Variants in MYO1B observed in about 807,000 individuals in gnomAD.
MYO1B encodes myosin IB, also known as unconventional myosin-Ib.
MYO1B carries 72 observed loss-of-function variants against 159.7 expected under a neutral mutation model. The observed-to-expected ratio is 0.45, with a 90% CI of 0.37 to 0.55. The LOEUF (loss-of-function observed/expected upper bound fraction) is 0.55. MYO1B is among the 20% of genes least tolerant of loss of function. The pLI, the probability that MYO1B is intolerant of heterozygous loss-of-function variation, is 0.00. For synonymous variants in MYO1B, 468 were observed against 473.8 expected (o/e 0.99, Z 0.16); for missense variants, 1,062 against 1,364.8 (o/e 0.78, Z 3.50).
chr2:191,374,056 G>A (rs879835078), intron 13 of MYO1B, among the ~76,000 whole-genome samples: 5 of 152,088 alleles, frequency 3.3e-5, no homozygotes, highest in East Asian at 1.9e-4. Context: ...AGTTACAGAC[G>A]TGTTTTTCTT....
intron 1 of MYO1B, among the ~76,000 whole-genome samples, chr2:191,275,064 C>G (rs925206088): frequency 2.0e-5 from 3 of 151,952 alleles, no homozygotes; most frequent in African/African-American, 7.3e-5. Flanking sequence ...TGCCACCATG[C>G]CCGGCTAATT....
intron 3 of MYO1B, among the ~76,000 whole-genome samples, chr2:191,302,359 C>T (rs774110701): frequency 3.3e-5 from 5 of 152,172 alleles, no homozygotes; most frequent in Non-Finnish European, 5.9e-5. Flanking sequence ...AACTATAAAA[C>T]AAAAGAGATT....
chr2:191,351,716 C>T (rs1169666388), intron 7 of MYO1B, among the ~76,000 whole-genome samples: 1 of 152,122 alleles, frequency 6.6e-6, no homozygotes, highest in Non-Finnish European at 1.5e-5. Flanking sequence ...TGAAACCCCC[C>T]GTCTCTACCA....
At chr2:191,279,175 T>G (rs1559135875) in intron 2 of MYO1B, among the ~76,000 whole-genome samples, 1 of 152,246 alleles carries the variant, frequency 6.6e-6, no homozygotes, top group Non-Finnish European at 1.5e-5. Context: ...GATATTCATA[T>G]CAATTAATGT....
In MYO1B at chr2:191,364,293, G is replaced by A. The variant is rs751320742; in HGVS notation, c.1032+17G>A. On this transcript the variant is annotated intron_variant, in intron 11 of 30. Coordinates refer to ENST00000392318, the MANE Select transcript of MYO1B (RefSeq NM_001130158.3). ...GTGGCTCAGGTGGGTGAAACATAAT[G>A]TACAGACGAAAGTTTCTTAAAAGTC... is the stretch of plus-strand genomic sequence containing the variant. The A allele has an allele frequency of 1.1e-5, 17 of 1,574,308 alleles. No homozygotes were observed. In the South Asian group the frequency reaches 1.9e-4, roughly 18 times the overall value.
At chr2:191,384,522 A>G (rs1517847) in intron 15 of MYO1B, among the ~76,000 whole-genome samples, 1,548 of 152,370 alleles carry the variant, frequency 0.01, 61 homozygotes, top group Admixed American at 0.076. Context: ...TCAATAAGAA[A>G]TAAACTGTGT....
At chr2:191,404,642 G>C (rs561052744) in intron 24 of MYO1B, among the ~76,000 whole-genome samples, 1 of 152,136 alleles carries the variant, frequency 6.6e-6, no homozygotes, top group Non-Finnish European at 1.5e-5. Flanking sequence ...GCAATAAAGT[G>C]AATATCACAA....
At chr2:191,364,811 G>C (rs1693898290) in intron 11 of MYO1B, among the ~76,000 whole-genome samples, 1 of 150,420 alleles carries the variant, frequency 6.6e-6, no homozygotes, top group Non-Finnish European at 1.5e-5. Context: ...TCACATTGTG[G>C]ATATTATTAG....
chr2:191,327,555 T>C (rs929524939), intron 3 of MYO1B, among the ~76,000 whole-genome samples: 2 of 152,238 alleles, frequency 1.3e-5, no homozygotes, highest in African/African-American at 2.4e-5. Context: ...GATACATCTA[T>C]AGGGCCCAGG....
chr2:191,336,009 C>T (rs1338906626), intron 4 of MYO1B, among the ~76,000 whole-genome samples: 7 of 152,118 alleles, frequency 4.6e-5, no homozygotes, highest in Admixed American at 6.6e-5. Flanking sequence ...ACTCACAACT[C>T]ACTCCCATGA....
At chr2:191,264,338 T>C (rs916215692) in intron 1 of MYO1B, among the ~76,000 whole-genome samples, 26 of 152,236 alleles carry the variant, frequency 1.7e-4, no homozygotes, top group African/African-American at 5.5e-4. Context: ...AGTGGATTAC[T>C]GCTTGAGGAA....
intron 30 of MYO1B, among the ~76,000 whole-genome samples, chr2:191,418,238 C>T (rs991265598): frequency 5.9e-5 from 9 of 152,124 alleles, no homozygotes; most frequent in African/African-American, 2.2e-4. Context: ...TGAATTTAAA[C>T]GAAAATGTCC....
intron 6 of MYO1B, among the ~76,000 whole-genome samples, chr2:191,348,294 A>G (rs544193297): frequency 6.6e-6 from 1 of 152,186 alleles, no homozygotes; most frequent in East Asian, 1.9e-4. Context: ...CGCCTACTTC[A>G]CAGAAATCAC....
In MYO1B at chr2:191,309,422, G is replaced by C. The variant is rs375571439; in HGVS notation, c.251+13196G>C. Among the ~76,000 whole-genome samples, 331 of 152,078 alleles carry C rather than the reference G, an allele frequency of 2.2e-3. 2 individuals are homozygous for C. The South Asian group carries it at 0.023, about 10-fold the overall frequency. On this transcript the variant is annotated intron_variant, in intron 3 of 30. Transcript: ENST00000392318. ...CTGCTTCAACTCTCCTGTTGCCTCC[G>C]CCTGCCTCCCCTCAACCGCCAACTT...
chr2:191,322,319 C>T (rs1367411731), intron 3 of MYO1B, among the ~76,000 whole-genome samples: 1 of 152,138 alleles, frequency 6.6e-6, no homozygotes, highest in Non-Finnish European at 1.5e-5. Context: ...GCTTTTATAT[C>T]TTAAGTTCAG....
intron 2 of MYO1B, among the ~76,000 whole-genome samples, chr2:191,294,567 T>C (rs1209473463): frequency 6.6e-6 from 1 of 152,174 alleles, no homozygotes; most frequent in Admixed American, 6.5e-5. Flanking sequence ...ACATCTCCCA[T>C]CTCCTAGGTG....
chr2:191,419,311 T>C (rs371660667), intron 30 of MYO1B, among the ~76,000 whole-genome samples: 9,289 of 152,114 alleles, frequency 0.061, 334 homozygotes, highest in Non-Finnish European at 0.083. Context: ...CTCCGCCTCC[T>C]GGGTTCATGC....
rs1366268217 is a variant in MYO1B at position 191,332,988 on chromosome 2, A to T, written c.346+2959A>T. Among the ~76,000 whole-genome samples the T allele has an allele frequency of 2.6e-5, 4 of 152,246 alleles. No homozygotes were observed. The East Asian group carries it at 7.7e-4, about 29-fold the overall frequency. On this transcript the variant is annotated intron_variant, in intron 4 of 30. Transcript: ENST00000392318. ...CAGTACATATTTAAATAATTGAATG[A>T]ACATCATGTACTAATCCAAGGAGCC...
At chr2:191,397,196 T>A (rs1433495508) in intron 21 of MYO1B, among the ~76,000 whole-genome samples, 2 of 148,912 alleles carry the variant, frequency 1.3e-5, no homozygotes, top group Admixed American at 6.7e-5. Flanking sequence ...TATTTTATTT[T>A]ATTTATTTTT....
Sources: allele counts gnomAD v4.1 joint callset (sites outside exome capture counted in the v4.1 genomes callset), GRCh38; gene constraint gnomAD v4.1.1; transcripts MANE v1.5; gene names NCBI Gene and HGNC (gene_info 2026-07-23, HGNC 2026-07-21).